CFAP20DC: variants seen among roughly 807,000 people sequenced by gnomAD.
The protein encoded by CFAP20DC is CFAP20 domain containing.
A neutral mutation model predicts 101.7 loss-of-function variants in CFAP20DC; 84 were observed. That is an observed-to-expected ratio of 0.83 (90% CI 0.69 to 0.99). CFAP20DC has a LOEUF of 0.99. CFAP20DC is among the 50% of genes least tolerant of loss of function. The probability of loss-of-function intolerance (pLI) is 0.00; values close to 1 mark genes in which losing one functional copy is unlikely to be tolerated. For synonymous variants in CFAP20DC, 359 were observed against 351.2 expected, an observed-to-expected ratio of 1.02 and a Z score of -0.25; for missense variants, 1,007 against 970.3, an observed-to-expected ratio of 1.04 and a Z score of -0.50.
chr3:58,888,072 C>T (rs891931354), intron 6 of CFAP20DC, among the ~76,000 whole-genome samples: 1 of 152,354 alleles, frequency 6.6e-6, no homozygotes, highest in South Asian at 2.1e-4. Flanking sequence ...TCACCACTAA[C>T]CAATCACCAT....
At chr3:58,954,873 C>T (rs1436113742) in intron 4 of CFAP20DC, among the ~76,000 whole-genome samples, 2 of 152,012 alleles carry the variant, frequency 1.3e-5, no homozygotes, top group African/African-American at 4.8e-5. Context: ...ACTCTTGGAA[C>T]CTTTCTTTGA....
At chr3:58,991,450 A>T (rs1381798263) in intron 4 of CFAP20DC, among the ~76,000 whole-genome samples, 3 of 152,188 alleles carry the variant, frequency 2.0e-5, no homozygotes, top group Non-Finnish European at 2.9e-5. Flanking sequence ...ACTCCCCTCA[A>T]ATAATATACT....
At position 59,049,747 on chromosome 3, in the gene CFAP20DC, G is replaced by A. The variant is rs1700163981; in HGVS notation, c.-116C>T. ...ACCCAGGAGCCCGACGGGTGGGAAA[G>A]GGCTTCGTGCTTGGCCCAGACTTGG... On this transcript the variant is annotated 5_prime_UTR_variant, in exon 1 of 17. Transcript: ENST00000482387. 12 of 1,306,130 alleles carry A rather than the reference G, an allele frequency of 9.2e-6. No individual in the cohort carries two copies. Among genetic ancestry groups the A allele is most frequent in the Non-Finnish European group, 2.1e-6 (2 of 959,260 alleles). The allele number at this position is 1,306,130 out of a possible 1,614,324, so 80.9% of individuals were successfully genotyped here.
chr3:58,949,430 A>C (rs989686218), intron 4 of CFAP20DC, among the ~76,000 whole-genome samples: 3 of 151,846 alleles, frequency 2.0e-5, no homozygotes, highest in Non-Finnish European at 2.9e-5. Context: ...TAGAGCTATA[A>C]ATTTCCCTCT....
At chr3:58,942,000 G>A (rs2088673984) in intron 4 of CFAP20DC, among the ~76,000 whole-genome samples, 1 of 152,144 alleles carries the variant, frequency 6.6e-6, no homozygotes. Flanking sequence ...TGATGTTAGA[G>A]CGTAGTTTAC....
intron 6 of CFAP20DC, among the ~76,000 whole-genome samples, chr3:58,891,917 G>T (rs967138152): frequency 2.0e-5 from 3 of 152,138 alleles, no homozygotes; most frequent in Admixed American, 2.0e-4. Context: ...ATCTTTGCCT[G>T]TGTCTTGTCC....
chr3:59,000,698 G>A (rs1243261115), intron 4 of CFAP20DC, among the ~76,000 whole-genome samples: 4 of 152,112 alleles, frequency 2.6e-5, no homozygotes, highest in Non-Finnish European at 5.9e-5. Flanking sequence ...CAGAGAGTGG[G>A]TGGCAATTGG....
chr3:58,818,174 C>T (rs1387205375), intron 14 of CFAP20DC, among the ~76,000 whole-genome samples: 43 of 151,634 alleles, frequency 2.8e-4, no homozygotes, highest in South Asian at 1.3e-3. Context: ...CGGTACCAGC[C>T]GCTGCAAAAT....
intron 14 of CFAP20DC, among the ~76,000 whole-genome samples, chr3:58,825,264 C>G (rs1375791109): frequency 1.3e-5 from 2 of 152,088 alleles, no homozygotes; most frequent in South Asian, 2.1e-4. Context: ...TCAAGTGGCC[C>G]TTTGAGGAGA....
chr3:58,808,246 C>T (rs547581550), intron 14 of CFAP20DC, among the ~76,000 whole-genome samples: 32 of 152,194 alleles, frequency 2.1e-4, no homozygotes, highest in African/African-American at 5.8e-4. Flanking sequence ...AAGAGCAACT[C>T]CAAGACACAT....
At chr3:58,890,251 G>C (rs939242063) in intron 6 of CFAP20DC, among the ~76,000 whole-genome samples, 2 of 149,870 alleles carry the variant, frequency 1.3e-5, no homozygotes, top group African/African-American at 4.9e-5. Flanking sequence ...TCCCAGTAGG[G>C]GCCGCCGGGC....
At chr3:58,790,457 C>CT (rs2072754493) in intron 15 of CFAP20DC, among the ~76,000 whole-genome samples, 1 of 152,300 alleles carries the variant, frequency 6.6e-6, no homozygotes, top group Admixed American at 6.5e-5. Flanking sequence ...GCCATGTCCC[C>CT]TATCATGTAC....
chr3:58,997,717 G>A (rs2093179025), intron 4 of CFAP20DC, among the ~76,000 whole-genome samples: 1 of 152,180 alleles, frequency 6.6e-6, no homozygotes, highest in Admixed American at 6.5e-5. Context: ...TTATTTTAAG[G>A]ACCTCTAAGC....
In CFAP20DC at chr3:58,892,556, G is replaced by T. The variant is rs902598533; in HGVS notation, c.551-7847C>A. Among the ~76,000 whole-genome samples the T allele has an allele frequency of 6.6e-6, 1 of 152,128 alleles. No individual in the cohort carries two copies. The highest frequency in any genetic ancestry group is 1.5e-5 in the Non-Finnish European group (1 of 68,024). On this transcript the variant is annotated intron_variant, in intron 6 of 16. Coordinates refer to ENST00000482387, the MANE Select transcript of CFAP20DC (RefSeq NM_001394063.1). This position sits in a 1 kb window ranked among gnomAD's most constrained non-coding sequence, Gnocchi z 4.0. Reference sequence around the variant, plus strand: ...CTTGAAGAGGTCCTTCAATTCCTTTGTTAATTGTATTCCTAGATATTTTAT... The same window carrying T: ...CTTGAAGAGGTCCTTCAATTCCTTTTTTAATTGTATTCCTAGATATTTTAT...
rs538642445 is a variant in CFAP20DC, at chr3:58,987,672, T to C, written c.279-49910A>G. Among the ~76,000 whole-genome samples the C allele has an allele frequency of 6.4e-4, 98 of 152,122 alleles. 2 individuals are homozygous for C. In the South Asian group the frequency reaches 0.02, roughly 31 times the overall value. On this transcript the variant is annotated intron_variant, in intron 4 of 16. Transcript: ENST00000482387. ...ACAAAAAACTGTATATACTTTTACATATATAGCTATCTATAAACTCTCACA... is the reference window on the plus strand; with the variant it reads ...ACAAAAAACTGTATATACTTTTACACATATAGCTATCTATAAACTCTCACA...
intron 5 of CFAP20DC, among the ~76,000 whole-genome samples, chr3:58,923,780 T>A (rs2085651188): frequency 1.3e-5 from 2 of 152,216 alleles, no homozygotes; most frequent in African/African-American, 4.8e-5. Context: ...TGTATATTTT[T>A]AAAATTTCAA....
chr3:58,978,323 C>G (rs1199062726), intron 4 of CFAP20DC, among the ~76,000 whole-genome samples: 2 of 152,160 alleles, frequency 1.3e-5, no homozygotes, highest in Non-Finnish European at 2.9e-5. Flanking sequence ...TTTTCCTTGT[C>G]TATATTTTCT....
intron 16 of CFAP20DC, among the ~76,000 whole-genome samples, chr3:58,751,915 G>C (rs560167646): frequency 1.3e-5 from 2 of 151,876 alleles, no homozygotes; most frequent in Non-Finnish European, 2.9e-5. Context: ...ATGACTTGGT[G>C]TCTGGCATAA....
At chr3:58,973,310 A>G (rs759108808) in intron 4 of CFAP20DC, among the ~76,000 whole-genome samples, 2 of 152,204 alleles carry the variant, frequency 1.3e-5, no homozygotes, top group Non-Finnish European at 2.9e-5. Context: ...CAATGGCTCA[A>G]ATCATTAACT....
Sources: gnomAD v4.1 joint callset for allele counts (sites outside exome capture counted in the v4.1 genomes callset) on GRCh38, gnomAD v4.1.1 for gene constraint, Gnocchi (gnomAD v3.1) non-coding constraint, MANE v1.5 for transcripts, NCBI Gene and HGNC (gene_info 2026-07-23, HGNC 2026-07-21) for gene names.